Variants in MAML3 observed in about 807,000 individuals in gnomAD.
The protein encoded by MAML3 is mastermind-like protein 3.
MAML3 carries 27 observed loss-of-function variants against 101.9 expected under a neutral mutation model. The ratio of observed to expected loss-of-function variants is 0.27; its 90% CI spans 0.20 to 0.37. MAML3 has a LOEUF of 0.37. Ranked by LOEUF, MAML3 falls within the 10% of genes least tolerant of loss-of-function variation. MAML3 has a pLI of 1.00. For synonymous variants in MAML3, 501 were observed against 555.9 expected (o/e 0.90, Z 1.39); for missense variants, 1,316 against 1,444.9 (o/e 0.91, Z 1.45).
chr4:139,763,898 T>G (rs552435396), intron 2 of MAML3, among the ~76,000 whole-genome samples: 1 of 152,336 alleles, frequency 6.6e-6, no homozygotes, highest in South Asian at 2.1e-4. Context: ...GCACCTGACA[T>G]GCTAAAAATA....
intron 1 of MAML3, among the ~76,000 whole-genome samples, chr4:139,912,713 T>A (rs1236261604): frequency 6.6e-6 from 1 of 152,194 alleles, no homozygotes; most frequent in Non-Finnish European, 1.5e-5. Context: ...AGGCAGAGAC[T>A]GGAGTTACGC....
chr4:139,930,333 G>A (rs910944590), intron 1 of MAML3, among the ~76,000 whole-genome samples: 1 of 152,074 alleles, frequency 6.6e-6, no homozygotes, highest in Non-Finnish European at 1.5e-5. Context: ...CAGAGTTTGT[G>A]AGCAGAGTTC....
intron 1 of MAML3, among the ~76,000 whole-genome samples, chr4:139,909,319 C>T (rs1732876180): frequency 6.6e-6 from 1 of 152,196 alleles, no homozygotes; most frequent in African/African-American, 2.4e-5. Context: ...GGTGACTTCT[C>T]TAACTGCATG....
chr4:139,989,766 G>A (rs1159139385), intron 1 of MAML3, among the ~76,000 whole-genome samples: 3 of 151,596 alleles, frequency 2.0e-5, no homozygotes, highest in African/African-American at 4.9e-5. Context: ...TATTCATGCC[G>A]TAGCCAGTAA....
At chr4:139,882,389 T>C (rs1732236774) in intron 2 of MAML3, among the ~76,000 whole-genome samples, 1 of 150,938 alleles carries the variant, frequency 6.6e-6, no homozygotes, top group African/African-American at 2.4e-5. Flanking sequence ...AGGTGTATCA[T>C]CATGAAATTT....
At chr4:139,915,228 T>C (rs900575087) in intron 1 of MAML3, among the ~76,000 whole-genome samples, 5 of 152,210 alleles carry the variant, frequency 3.3e-5, no homozygotes, top group African/African-American at 1.2e-4. Flanking sequence ...CATTTGTCAG[T>C]TGGCAACAGC....
At chr4:140,080,207 G>A (rs1203144583) in intron 1 of MAML3, among the ~76,000 whole-genome samples, 1 of 152,262 alleles carries the variant, frequency 6.6e-6, no homozygotes, top group Non-Finnish European at 1.5e-5. Context: ...GGGAGGCAAA[G>A]ACTAAAGAGG....
intron 2 of MAML3, among the ~76,000 whole-genome samples, chr4:139,886,709 C>T (rs188313732): frequency 7.2e-5 from 11 of 152,094 alleles, no homozygotes; most frequent in Admixed American, 7.2e-4. Context: ...ATAAGTAACA[C>T]CATGAGCATA....
intron 3 of MAML3, among the ~76,000 whole-genome samples, chr4:139,729,524 A>C (rs1032913210): frequency 5.3e-5 from 8 of 152,202 alleles, no homozygotes; most frequent in Non-Finnish European, 1.0e-4. Flanking sequence ...ACTGTGAGGC[A>C]GACTTATGTT....
At chr4:140,103,594 C>A (rs116659121) in intron 1 of MAML3, among the ~76,000 whole-genome samples, 3 of 152,048 alleles carry the variant, frequency 2.0e-5, no homozygotes, top group African/African-American at 7.2e-5. Flanking sequence ...AAAATTAAAC[C>A]GGCATATTGG....
At chr4:139,878,243 T>C (rs1364404551) in intron 2 of MAML3, among the ~76,000 whole-genome samples, 1 of 152,162 alleles carries the variant, frequency 6.6e-6, no homozygotes, top group Non-Finnish European at 1.5e-5. Flanking sequence ...TTGGTCTATC[T>C]CGAAGCTCAG....
chr4:139,888,185 G>A (rs141333103), intron 2 of MAML3, among the ~76,000 whole-genome samples: 17 of 152,256 alleles, frequency 1.1e-4, no homozygotes, highest in African/African-American at 3.9e-4. Context: ...TTCGGGGGTG[G>A]GGTGGGGCAC....
At chr4:140,119,445 A>G (rs902478527) in intron 1 of MAML3, among the ~76,000 whole-genome samples, 3 of 152,164 alleles carry the variant, frequency 2.0e-5, no homozygotes, top group Non-Finnish European at 4.4e-5. Context: ...CTCATGACCA[A>G]TTTGCAGATA....
intron 1 of MAML3, among the ~76,000 whole-genome samples, chr4:140,016,053 A>C (rs1386378794): frequency 6.6e-6 from 1 of 152,228 alleles, no homozygotes; most frequent in Non-Finnish European, 1.5e-5. Flanking sequence ...AGATCTTTAA[A>C]AAAAAAGGAC....
intron 2 of MAML3, among the ~76,000 whole-genome samples, chr4:139,872,175 T>G (rs1052263875): frequency 5.0e-4 from 76 of 152,186 alleles, no homozygotes; most frequent in Non-Finnish European, 3.2e-4. Context: ...TTCACTCTAT[T>G]GAATATAAAC....
chr4:139,969,698 CA>C (rs1734201230), intron 1 of MAML3, among the ~76,000 whole-genome samples: 1 of 152,108 alleles, frequency 6.6e-6, no homozygotes, highest in East Asian at 1.9e-4. Context: ...AAACAGCTTC[CA>C]GACTCCCCTT....
At chr4:139,862,115 A>C (rs1731795566) in intron 2 of MAML3, among the ~76,000 whole-genome samples, 1 of 152,198 alleles carries the variant, frequency 6.6e-6, no homozygotes, top group East Asian at 1.9e-4. Context: ...ATGCTGAGAC[A>C]GGGGAATTGC....
intron 2 of MAML3, among the ~76,000 whole-genome samples, chr4:139,835,314 T>C (rs962482563): frequency 6.6e-6 from 1 of 152,238 alleles, no homozygotes; most frequent in Middle Eastern, 3.2e-3. Flanking sequence ...TCAGGGCGCC[T>C]GATATTATGC....
intron 1 of MAML3, among the ~76,000 whole-genome samples, chr4:140,141,765 T>G (rs1578706483): frequency 6.6e-6 from 1 of 152,190 alleles, no homozygotes. Context: ...CCAACACTAG[T>G]TACTAGAGTT....
Sources: allele counts gnomAD v4.1 joint callset (sites outside exome capture counted in the v4.1 genomes callset), GRCh38; gene constraint gnomAD v4.1.1; transcripts MANE v1.5; gene names NCBI Gene and HGNC (gene_info 2026-07-23, HGNC 2026-07-21).